The following BCKDHB variants were observed in gnomAD, a reference collection of about 807,000 sequenced individuals.
BCKDHB encodes branched chain keto acid dehydrogenase E1 subunit beta.
In BCKDHB, 41 loss-of-function variants were observed where a neutral mutation model predicts 48.5. The ratio of observed to expected loss-of-function variants is 0.85; its 90% confidence interval spans 0.66 to 1.10. The LOEUF is 1.10. Ranked by LOEUF, BCKDHB falls within the 50% of genes least tolerant of loss-of-function variation. BCKDHB has a pLI of 0.00. For missense variants in BCKDHB, 496 were observed against 494.2 expected (o/e 1.00, Z -0.03); for synonymous variants, 201 against 174.8 (o/e 1.15, Z -1.18).
intron 9 of BCKDHB, among the ~76,000 whole-genome samples, chr6:80,331,419 A>T (rs1483768854): frequency 6.6e-6 from 1 of 152,202 alleles, no homozygotes; most frequent in Non-Finnish European, 1.5e-5. Flanking sequence ...TCTCAGACAC[A>T]CAAAATGACC....
the BCKDHB span, among the ~76,000 whole-genome samples, chr6:80,419,354 C>A: frequency 2.6e-5 from 4 of 152,242 alleles, no homozygotes; most frequent in East Asian, 7.7e-4. Context: ...TCCCAGAGCA[C>A]CTGAGACTGA....
At chr6:80,248,328 G>T (rs1232956144) in intron 8 of BCKDHB, among the ~76,000 whole-genome samples, 2 of 152,128 alleles carry the variant, frequency 1.3e-5, no homozygotes, top group Non-Finnish European at 2.9e-5. Flanking sequence ...ATGGGATATA[G>T]TTCCAGATAC....
intron 9 of BCKDHB, among the ~76,000 whole-genome samples, chr6:80,320,396 C>G (rs1768660680): frequency 6.6e-6 from 1 of 152,134 alleles, no homozygotes; most frequent in Admixed American, 6.5e-5. Flanking sequence ...ATCTAAACAG[C>G]CTTTTATGTC....
chr6:80,358,142 T>C, the BCKDHB span, among the ~76,000 whole-genome samples: 1 of 152,170 alleles, frequency 6.6e-6, no homozygotes, highest in Non-Finnish European at 1.5e-5. Flanking sequence ...GATCAGACTT[T>C]TTGGGATATT....
intron 6 of BCKDHB, among the ~76,000 whole-genome samples, chr6:80,182,476 A>G (rs545985656): frequency 1.3e-5 from 2 of 152,218 alleles, no homozygotes; most frequent in Non-Finnish European, 2.9e-5. Flanking sequence ...AGCTTAAGCT[A>G]TGTGGTAGAG....
At chr6:80,256,866 A>G (rs894792522) in intron 8 of BCKDHB, among the ~76,000 whole-genome samples, 4 of 152,208 alleles carry the variant, frequency 2.6e-5, no homozygotes, top group African/African-American at 9.6e-5. Context: ...AAAAATGGCA[A>G]CATATGGTTC....
At chr6:80,214,798 G>C (rs994272776) in intron 8 of BCKDHB, among the ~76,000 whole-genome samples, 2 of 152,168 alleles carry the variant, frequency 1.3e-5, no homozygotes, top group Non-Finnish European at 2.9e-5. Context: ...AATAACTGAT[G>C]ATCTCGTGAA....
chr6:80,377,040 ATTT>A, the BCKDHB span, among the ~76,000 whole-genome samples: 54,479 of 133,424 alleles, frequency 0.41, 11,496 homozygotes, highest in Non-Finnish European at 0.53. Flanking sequence ...AAGGCTTTTA[ATTT>A]TTTTTTTTTT....
chr6:80,429,712 C>T, the BCKDHB span, among the ~76,000 whole-genome samples: 13 of 152,154 alleles, frequency 8.5e-5, no homozygotes, highest in African/African-American at 2.9e-4. Context: ...GATTTTTGCA[C>T]ATTGATTTTG....
At chr6:80,140,808 G>A (rs1771165121) in intron 3 of BCKDHB, among the ~76,000 whole-genome samples, 1 of 152,148 alleles carries the variant, frequency 6.6e-6, no homozygotes, top group African/African-American at 2.4e-5. Flanking sequence ...TCAGGATGTT[G>A]CTGGCCTCAT....
rs557119536 is a variant in BCKDHB, at chr6:80,279,607, G to A, written c.1038+6386G>A. Among the ~76,000 whole-genome samples the A allele has an allele frequency of 2.7e-5, 4 of 150,650 alleles. No homozygotes were observed. The East Asian group carries it at 5.8e-4, about 22-fold the overall frequency. ...GGTCTAGCAAAAAAATCTTTATGTC[G>A]GCATTCAAGATCCTGATCTACTCAA... On this transcript the variant is annotated intron_variant, in intron 9 of 9. Transcript: ENST00000320393.
chr6:80,168,791 A>AGGGAGGG, intron 4 of BCKDHB, 84 bp from the exon 5 acceptor site: 1 of 1,077,266 alleles, frequency 9.3e-7, no homozygotes, highest in South Asian at 1.4e-5. Context: ...GGAAGGAAGG[A>AGGGAGGG]AGGGAGGGAG....
At chr6:80,447,842 C>A in the BCKDHB span, among the ~76,000 whole-genome samples, 1 of 152,102 alleles carries the variant, frequency 6.6e-6, no homozygotes, top group Non-Finnish European at 1.5e-5. Flanking sequence ...CCCTCTCAGA[C>A]AAGTATTGTC....
the BCKDHB span, among the ~76,000 whole-genome samples, chr6:80,383,530 A>G: frequency 1.3e-4 from 20 of 152,144 alleles, no homozygotes; most frequent in African/African-American, 4.8e-4. Context: ...CAGTTAGCTT[A>G]CCAATAATTT....
At chr6:80,363,968 C>T in the BCKDHB span, among the ~76,000 whole-genome samples, 5 of 152,294 alleles carry the variant, frequency 3.3e-5, no homozygotes, top group South Asian at 2.1e-4. Flanking sequence ...AACCAAATCA[C>T]GGTTATTTAC....
chr6:80,303,478 C>G (rs1054347224), intron 9 of BCKDHB, among the ~76,000 whole-genome samples: 9 of 152,026 alleles, frequency 5.9e-5, no homozygotes, highest in Non-Finnish European at 1.3e-4. Context: ...TCTTCAAATG[C>G]CTGGGAACAT....
chr6:80,361,778 A>C, the BCKDHB span, among the ~76,000 whole-genome samples: 2 of 152,206 alleles, frequency 1.3e-5, no homozygotes, highest in Non-Finnish European at 2.9e-5. Flanking sequence ...CACATGAAAG[A>C]GGGATTGTCA....
intron 9 of BCKDHB, among the ~76,000 whole-genome samples, chr6:80,287,554 A>T (rs1766686679): frequency 6.6e-6 from 1 of 152,026 alleles, no homozygotes; most frequent in African/African-American, 2.4e-5. Context: ...ACCAGGAAAA[A>T]TTAGGCGTGC....
chr6:80,399,957 A>T, the BCKDHB span, among the ~76,000 whole-genome samples: 1 of 152,268 alleles, frequency 6.6e-6, no homozygotes, highest in South Asian at 2.1e-4. Context: ...ATCCTTGGCA[A>T]GCCTGACAAA....
Sources: gnomAD v4.1 joint callset for allele counts (sites outside exome capture counted in the v4.1 genomes callset) on GRCh38, gnomAD v4.1.1 for gene constraint, MANE v1.5 for transcripts, NCBI Gene and HGNC (gene_info 2026-07-23, HGNC 2026-07-21) for gene names.